Variants in GIPC2 observed in about 807,000 individuals in gnomAD.
The protein encoded by GIPC2 is PDZ domain-containing protein GIPC2.
A neutral mutation model predicts 30.6 loss-of-function variants in GIPC2; 30 were observed. The observed-to-expected ratio is 0.98, with a 90% CI of 0.73 to 1.33. The LOEUF is 1.33. Among genes scored for constraint, GIPC2 ranks in the 40% most tolerant of loss-of-function variants. The probability of loss-of-function intolerance (pLI) is 0.00; values close to 1 mark genes in which losing one functional copy is unlikely to be tolerated. For synonymous variants in GIPC2, 167 were observed against 150.0 expected (o/e 1.11, Z -0.83); for missense variants, 414 against 390.3 (o/e 1.06, Z -0.51).
chr1:78,126,953 A>G (rs571754518), intron 5 of GIPC2, among the ~76,000 whole-genome samples: 11 of 152,212 alleles, frequency 7.2e-5, no homozygotes, highest in Non-Finnish European at 1.5e-4. Context: ...ACAAGGGTCA[A>G]GAGTGTGAAA....
intron 1 of GIPC2, among the ~76,000 whole-genome samples, chr1:78,077,557 A>C (rs1661738283): frequency 6.6e-6 from 1 of 152,218 alleles, no homozygotes; most frequent in South Asian, 2.1e-4. Flanking sequence ...TATCTACTGA[A>C]TCAGTCATTT....
At chr1:78,110,058 G>T (rs1662437047) in intron 3 of GIPC2, among the ~76,000 whole-genome samples, 1 of 152,014 alleles carries the variant, frequency 6.6e-6, no homozygotes, top group Non-Finnish European at 1.5e-5. Context: ...AAGGGGGAGG[G>T]ATAGCATTAG....
At chr1:78,078,278 AC>A (rs1364788245) in intron 1 of GIPC2, among the ~76,000 whole-genome samples, 1 of 151,492 alleles carries the variant, frequency 6.6e-6, no homozygotes, top group Admixed American at 6.6e-5. Context: ...GAATTTCTAG[AC>A]CTTTATCATA....
At chr1:78,111,410 C>G (rs1299716442) in intron 3 of GIPC2, among the ~76,000 whole-genome samples, 1 of 152,130 alleles carries the variant, frequency 6.6e-6, no homozygotes, top group African/African-American at 2.4e-5. Context: ...TTTAGAGGAC[C>G]TCAGATGGAG....
chr1:78,047,396 A>C (rs760511258), intron 1 of GIPC2, among the ~76,000 whole-genome samples: 19 of 152,216 alleles, frequency 1.2e-4, no homozygotes, highest in Non-Finnish European at 2.4e-4. Flanking sequence ...AGAGGAGACG[A>C]AAGAGAGCTT....
chr1:78,121,365 T>G (rs1461795548), intron 4 of GIPC2, among the ~76,000 whole-genome samples: 1 of 152,106 alleles, frequency 6.6e-6, no homozygotes, highest in East Asian at 1.9e-4. Flanking sequence ...TCTCTCTGTA[T>G]GTGAATGCTG....
chr1:78,051,700 A>G (rs929823833), intron 1 of GIPC2, among the ~76,000 whole-genome samples: 2 of 152,080 alleles, frequency 1.3e-5, no homozygotes, highest in Non-Finnish European at 2.9e-5. Flanking sequence ...GGGTTTTGCC[A>G]TGTTGGCCTG....
At chr1:78,089,061 G>A (rs1440897816) in intron 2 of GIPC2, 1 of 152,158 alleles carries the variant, frequency 6.6e-6, no homozygotes, top group East Asian at 1.9e-4. Flanking sequence ...TAATTTTAAT[G>A]TATGTGCTGC....
At chr1:78,132,754 C>CT (rs1421909575) in intron 5 of GIPC2, among the ~76,000 whole-genome samples, 2 of 151,440 alleles carry the variant, frequency 1.3e-5, no homozygotes, top group Non-Finnish European at 2.9e-5. Context: ...TTGTCATTGT[C>CT]TCCCCCAGCA....
intron 1 of GIPC2, among the ~76,000 whole-genome samples, chr1:78,052,498 T>C (rs1661215055): frequency 6.6e-6 from 1 of 152,224 alleles, no homozygotes; most frequent in African/African-American, 2.4e-5. Flanking sequence ...AGCTTTAGTA[T>C]TGATTACAAT....
chr1:78,046,711 C>T (rs908699159), intron 1 of GIPC2, among the ~76,000 whole-genome samples: 2 of 152,156 alleles, frequency 1.3e-5, no homozygotes, highest in Non-Finnish European at 2.9e-5. Context: ...CCCTCCACTT[C>T]ATCTGGACTT....
intron 2 of GIPC2, among the ~76,000 whole-genome samples, chr1:78,087,988 ATAT>A (rs1185705888): frequency 1.3e-5 from 2 of 152,218 alleles, no homozygotes; most frequent in African/African-American, 4.8e-5. Flanking sequence ...GCCAACAATA[ATAT>A]TAAAAAAAAA....
At chr1:78,075,263 C>A (rs1310946371) in intron 1 of GIPC2, among the ~76,000 whole-genome samples, 6 of 152,112 alleles carry the variant, frequency 3.9e-5, no homozygotes, top group Non-Finnish European at 7.4e-5. Flanking sequence ...TGAGACTAGC[C>A]TGGGCAACAT....
At chr1:78,109,477 C>T (rs948068182) in intron 3 of GIPC2, among the ~76,000 whole-genome samples, 4 of 152,196 alleles carry the variant, frequency 2.6e-5, no homozygotes, top group African/African-American at 9.7e-5. Flanking sequence ...TTTATTCCAG[C>T]TCTGCCCACT....
chr1:78,059,453 T>G (rs1661353111), intron 1 of GIPC2, among the ~76,000 whole-genome samples: 1 of 152,208 alleles, frequency 6.6e-6, no homozygotes, highest in African/African-American at 2.4e-5. Flanking sequence ...TCTAAAGTCA[T>G]TTAGGCTGGG....
At chr1:78,074,440 C>T (rs1177437143) in intron 1 of GIPC2, among the ~76,000 whole-genome samples, 7 of 145,856 alleles carry the variant, frequency 4.8e-5, no homozygotes, top group Admixed American at 4.0e-4. Flanking sequence ...CTAGGCTGGT[C>T]TTGAACTCCT....
At chr1:78,051,793 C>A (rs12126185) in intron 1 of GIPC2, among the ~76,000 whole-genome samples, 4,941 of 152,292 alleles carry the variant, frequency 0.032, 101 homozygotes, top group Middle Eastern at 0.078. Context: ...CCGCACCTGG[C>A]GTAGAATTGT....
rs1388460235 is a variant in GIPC2, at chr1:78,080,661, A to C, written c.241-14A>C. The stretch of plus-strand genomic sequence containing the variant: ...CAAGTGGAAATGGACCTGACATTTT[A>C]TTTTTCTTTGCAGATCTTATATTGC... On this transcript the variant is annotated splice_polypyrimidine_tract_variant and intron_variant, in intron 1 of 5. Transcript: ENST00000370759. 3.9e-6 allele frequency: 6 copies of C among 1,523,204 alleles called. No homozygotes were observed. In the Admixed American group the frequency reaches 7.5e-5, roughly 19 times the overall value. 94.4% of individuals were successfully genotyped at this position (1,523,204 alleles called of 1,614,324 possible).
intron 4 of GIPC2, among the ~76,000 whole-genome samples, chr1:78,124,493 C>G (rs1182143424): frequency 1.3e-5 from 2 of 152,144 alleles, no homozygotes; most frequent in South Asian, 2.1e-4. Context: ...GATGAGCCAT[C>G]AAACGTTTGG....
Sources: allele counts gnomAD v4.1 joint callset (sites outside exome capture counted in the v4.1 genomes callset), GRCh38; gene constraint gnomAD v4.1.1; transcripts MANE v1.5; gene names NCBI Gene and HGNC (gene_info 2026-07-23, HGNC 2026-07-21).